The following ZNF773 variants were observed in gnomAD, a reference collection of about 807,000 sequenced individuals.
The protein encoded by ZNF773 is zinc finger protein 773.
Under a neutral mutation model 12.8 loss-of-function variants are expected in ZNF773, and 11 were observed. That is an observed-to-expected ratio of 0.86 (90% CI 0.54 to 1.42). The LOEUF is 1.42. Ranked by LOEUF, ZNF773 falls within the 40% of genes most tolerant of loss-of-function variation. ZNF773 has a pLI of 0.00. For synonymous variants in ZNF773, 175 were observed against 178.4 expected (o/e 0.98, Z 0.15); for missense variants, 518 against 527.2 (o/e 0.98, Z 0.17).
downstream of ZNF773, among the ~76,000 whole-genome samples, chr19:57,509,587 C>T (rs2089779671): frequency 6.6e-6 from 1 of 152,174 alleles, no homozygotes; most frequent in Non-Finnish European, 1.5e-5. Flanking sequence ...TATTAGCTTT[C>T]TATTGCTATC....
intron 1 of ZNF773, among the ~76,000 whole-genome samples, chr19:57,504,110 C>G (rs1281564523): frequency 6.6e-6 from 1 of 152,142 alleles, no homozygotes; most frequent in Non-Finnish European, 1.5e-5. Flanking sequence ...AGTAGAGAGG[C>G]CTTCAAAGTG....
chr19:57,512,991 T>C, downstream of ZNF773: 1 of 1,529,198 alleles, frequency 6.5e-7, no homozygotes, highest in Non-Finnish European at 8.8e-7. Flanking sequence ...TCTTTTTGTC[T>C]TCATTTCTGC....
chr19:57,505,396 G>C lies in ZNF773; in HGVS notation c.258G>C (p.Leu86=), dbSNP rs567946429. Residue 86 remains leucine, a synonymous_variant, in exon 3 of 4, where the codon CTG becomes CTC. Coordinates refer to ENST00000282292, the MANE Select transcript of ZNF773 (RefSeq NM_198542.3). The part of the protein sequence containing the change: ...PAWEVVTSAI[L]RGSWQGAKAE... ...GGGAAGTTGTGACTTCAGCCATACT[G>C]AGAGGTACTTGGTGGGTGGAGCTCA... 21 of 1,614,186 alleles carry C rather than the reference G, an allele frequency of 1.3e-5. No homozygotes were observed. In the African/African-American group the frequency reaches 2.7e-4, roughly 20 times the overall value.
chr19:57,503,363 G>C (rs182095509), intron 1 of ZNF773, among the ~76,000 whole-genome samples: 23 of 152,278 alleles, frequency 1.5e-4, no homozygotes, highest in Non-Finnish European at 3.1e-4. Flanking sequence ...GGAGTGGTGG[G>C]TTTCACAAGG....
chr19:57,513,543 G>C (rs2089813525), downstream of ZNF773: 1 of 152,336 alleles, frequency 6.6e-6, no homozygotes, highest in African/African-American at 2.4e-5. Flanking sequence ...AGATAGAAAA[G>C]GGCTAGGTCG....
chr19:57,515,897 A>G (rs2089828679), downstream of ZNF773: 1 of 152,192 alleles, frequency 6.6e-6, no homozygotes, highest in South Asian at 2.1e-4. Flanking sequence ...GACTCCTGGT[A>G]TGGATATTAA....
At chr19:57,515,508 T>C (rs187785168), downstream of ZNF773, 14 of 152,330 alleles carry the variant, frequency 9.2e-5, no homozygotes, top group Non-Finnish European at 1.2e-4. Flanking sequence ...GTTACACATA[T>C]AGCAGCCTTT....
At chr19:57,514,371 A>G (rs2089818884), downstream of ZNF773, 1 of 152,218 alleles carries the variant, frequency 6.6e-6, no homozygotes, top group Admixed American at 6.5e-5. Flanking sequence ...AATGCTAGGT[A>G]TTGCTACTTA....
At chr19:57,500,938 G>A (rs1271063286) in intron 1 of ZNF773, among the ~76,000 whole-genome samples, 4 of 152,170 alleles carry the variant, frequency 2.6e-5, no homozygotes, top group African/African-American at 9.7e-5. Context: ...CTACAGCCTG[G>A]AGTTTCGTGG....
chr19:57,506,630 A>C lies in ZNF773; in HGVS notation c.535A>C (p.Lys179Gln). The change falls in exon 4 of 4, where the codon AAA (lysine) becomes CAA (glutamine). Residue 179 changes from lysine to glutamine, a missense_variant. Lys to Gln is a moderately conservative substitution (Grantham distance 53). Transcript: ENST00000282292. ...HTGEKSHRSSKSREAFHAGKR... is the reference protein window; with the variant it reads ...HTGEKSHRSSQSREAFHAGKR... ...GGGAGAGAAGTCACATAGGAGCTCCAAAAGTAGGGAGGCCTTTCATGCTGG... is the reference window on the plus strand; with the variant it reads ...GGGAGAGAAGTCACATAGGAGCTCCCAAAGTAGGGAGGCCTTTCATGCTGG... 6.2e-7 allele frequency: 1 copy of C among 1,614,228 alleles called. No homozygotes were observed. Among genetic ancestry groups the C allele is most frequent in the East Asian group, 2.2e-5 (1 of 44,886 alleles).
intron 1 of ZNF773, among the ~76,000 whole-genome samples, chr19:57,502,150 C>G (rs1479282262): frequency 1.3e-5 from 2 of 152,058 alleles, no homozygotes; most frequent in Non-Finnish European, 2.9e-5. Flanking sequence ...CCATGTTGGT[C>G]AAGCAGGTCT....
At chr19:57,508,605 A>C, downstream of ZNF773, 1 of 696,226 alleles carries the variant, frequency 1.4e-6, no homozygotes, top group Non-Finnish European at 2.6e-6. Flanking sequence ...GAACTTGCCA[A>C]ATTGTGTTCT....
downstream of ZNF773, chr19:57,515,824 A>C (rs2089828201): frequency 6.6e-6 from 1 of 152,216 alleles, no homozygotes; most frequent in South Asian, 2.1e-4. Flanking sequence ...AAAAATGGGG[A>C]CTAGGAGACC....
chr19:57,505,209 T>G (rs571754575), intron 2 of ZNF773, 93 bp from the exon 3 acceptor site: 1 of 1,447,046 alleles, frequency 6.9e-7, no homozygotes, highest in African/African-American at 1.4e-5. Flanking sequence ...TCCTCCAAGG[T>G]TCTTTCTGTA....
In ZNF773 at chr19:57,507,724, C is replaced by T; in HGVS notation, c.*300C>T. 8.6e-7 allele frequency: 1 copy of T among 1,168,080 alleles called. No homozygotes were observed. The highest frequency in any genetic ancestry group is 1.1e-6 in the Non-Finnish European group (1 of 946,810). The allele number at this position is 1,168,080 out of a possible 1,614,324, so 72.4% of individuals were successfully genotyped here. A position where few individuals can be genotyped will look rare whatever the true frequency, so the allele number is the denominator to read the frequency against. On this transcript the variant is annotated 3_prime_UTR_variant, in exon 4 of 4. Transcript: ENST00000282292. Reference sequence around the variant, plus strand: ...CGTGGTGGCTGACACCTGTTATTCTCACCACTTTGGGAGGCTGAAGCGGGC... The same window carrying T: ...CGTGGTGGCTGACACCTGTTATTCTTACCACTTTGGGAGGCTGAAGCGGGC...
chr19:57,517,022 T>C (rs2123293725), downstream of ZNF773: 2 of 152,382 alleles, frequency 1.3e-5, no homozygotes, highest in Middle Eastern at 6.8e-3. Context: ...GGAGTCAATA[T>C]GGAAGACAGC....
downstream of ZNF773, chr19:57,514,532 G>T (rs2089820072): frequency 6.6e-6 from 1 of 152,152 alleles, no homozygotes; most frequent in South Asian, 2.1e-4. Flanking sequence ...AAAAGCCTTT[G>T]CTTCTGTTTA....
At chr19:57,506,312 C>A in intron 3 of ZNF773, 46 bp from the exon 4 acceptor site, 37 of 1,563,858 alleles carry the variant, frequency 2.4e-5, no homozygotes, top group Non-Finnish European at 3.0e-5. Context: ...GCTGCCTTCT[C>A]ACACCAAAGA....
downstream of ZNF773, among the ~76,000 whole-genome samples, chr19:57,511,199 C>T (rs1039819214): frequency 2.6e-4 from 39 of 151,738 alleles, no homozygotes; most frequent in East Asian, 7.2e-3. Flanking sequence ...TACAGGTACC[C>T]GCCACCTCTC....
Sources: gnomAD v4.1 joint callset for allele counts (sites outside exome capture counted in the v4.1 genomes callset) on GRCh38, gnomAD v4.1.1 for gene constraint, MANE v1.5 for transcripts, NCBI Gene and HGNC (gene_info 2026-07-23, HGNC 2026-07-21) for gene names.